The following PIK3C2G variants were observed in gnomAD, a reference collection of about 807,000 sequenced individuals.
The protein encoded by PIK3C2G is phosphatidylinositol 3-kinase C2 domain-containing subunit gamma.
A neutral mutation model predicts 181.1 loss-of-function variants in PIK3C2G; 168 were observed. The observed-to-expected ratio is 0.93, with a 90% confidence interval of 0.82 to 1.05. The LOEUF (loss-of-function observed/expected upper bound fraction) is 1.05, where lower values mean the gene tolerates loss of function less well. PIK3C2G is among the 50% of genes least tolerant of loss of function. The pLI is 0.00. For synonymous variants in PIK3C2G, 573 were observed against 592.2 expected (o/e 0.97, Z 0.47); for missense variants, 1,869 against 1,732.8 (o/e 1.08, Z -1.40).
At chr12:18,247,429 G>A (rs903538619), upstream of PIK3C2G, among the ~76,000 whole-genome samples, 4 of 152,158 alleles carry the variant, frequency 2.6e-5, no homozygotes, top group Admixed American at 6.5e-5. Context: ...TTTAGGAGTG[G>A]AGGTTTAATC....
chr12:18,619,817 C>T (rs1355653853), intron 31 of PIK3C2G, among the ~76,000 whole-genome samples: 1 of 151,352 alleles, frequency 6.6e-6, no homozygotes, highest in Non-Finnish European at 1.5e-5. Context: ...CTCCGCCTCC[C>T]GGGTTCACGC....
chr12:18,501,595 CTA>C (rs1328561029), intron 22 of PIK3C2G, among the ~76,000 whole-genome samples: 1 of 152,136 alleles, frequency 6.6e-6, no homozygotes, highest in East Asian at 1.9e-4. Flanking sequence ...ACATATTACT[CTA>C]TGTACACAGA....
chr12:18,471,445 T>C (rs1420748039), intron 18 of PIK3C2G, among the ~76,000 whole-genome samples: 1 of 152,184 alleles, frequency 6.6e-6, no homozygotes, highest in African/African-American at 2.4e-5. Context: ...TCTATCTTTG[T>C]AACCTTTTCA....
At chr12:18,529,221 T>C (rs1032654843) in intron 24 of PIK3C2G, among the ~76,000 whole-genome samples, 3 of 152,098 alleles carry the variant, frequency 2.0e-5, no homozygotes, top group Admixed American at 6.6e-5. Context: ...GAAAGGTGGT[T>C]GCACTGCAAG....
chr12:18,692,894 A>G, the PIK3C2G span: 2 of 1,602,536 alleles, frequency 1.2e-6, no homozygotes, highest in Non-Finnish European at 1.7e-6. Flanking sequence ...AGAAGAAGAA[A>G]ACAAAGGGAC....
rs1248432430 is a variant in PIK3C2G at position 18,491,685 on chromosome 12, C to T, written c.2793+127C>T. 5.3e-6 allele frequency: 3 copies of T among 568,522 alleles called. No individual in the cohort carries two copies. In the Admixed American group the frequency reaches 9.4e-5, roughly 18 times the overall value. The allele number at this position is 568,522 out of a possible 1,614,324, so 35.2% of individuals were successfully genotyped here. Reference sequence around the variant, plus strand: ...TGCAATTATTTTAACGAAAAAGTAACTGAATCCATTTACATTGTGTTTTCC... The same window carrying T: ...TGCAATTATTTTAACGAAAAAGTAATTGAATCCATTTACATTGTGTTTTCC... On this transcript the variant is annotated intron_variant, in intron 20 of 32. Transcript: ENST00000538779.
chr12:18,464,389 A>C (rs186960209), intron 18 of PIK3C2G, among the ~76,000 whole-genome samples: 1 of 152,190 alleles, frequency 6.6e-6, no homozygotes, highest in Non-Finnish European at 1.5e-5. Flanking sequence ...CAATTGCATT[A>C]AACATTAGGT....
intron 26 of PIK3C2G, among the ~76,000 whole-genome samples, chr12:18,559,393 G>A (rs1378281838): frequency 2.6e-5 from 4 of 151,972 alleles, no homozygotes; most frequent in Admixed American, 1.3e-4. Context: ...ATGAGCATTT[G>A]GACAGAAGGA....
At chr12:18,700,204 A>AT in the PIK3C2G span, among the ~76,000 whole-genome samples, 1 of 151,952 alleles carries the variant, frequency 6.6e-6, no homozygotes, top group African/African-American at 2.4e-5. Flanking sequence ...ATTACTATTT[A>AT]TTTTTTTCCT....
chr12:18,579,772 C>A (rs1325622532), intron 29 of PIK3C2G, among the ~76,000 whole-genome samples: 1 of 152,020 alleles, frequency 6.6e-6, no homozygotes, highest in Non-Finnish European at 1.5e-5. Context: ...ACAAGAATTC[C>A]TTTCCTTCTT....
intron 32 of PIK3C2G, among the ~76,000 whole-genome samples, chr12:18,646,064 A>T (rs1950114048): frequency 6.6e-6 from 1 of 152,172 alleles, no homozygotes; most frequent in Admixed American, 6.6e-5. Flanking sequence ...ATTTCCAGGC[A>T]GCATTGGGCA....
At chr12:18,526,915 A>G (rs1943268269) in intron 24 of PIK3C2G, among the ~76,000 whole-genome samples, 1 of 152,146 alleles carries the variant, frequency 6.6e-6, no homozygotes, top group Non-Finnish European at 1.5e-5. Flanking sequence ...TAGCTCCCTT[A>G]TATCAACCCC....
chr12:18,362,938 T>C, intron 12 of PIK3C2G, 52 bp downstream of exon 12: 6 of 1,348,136 alleles, frequency 4.5e-6, no homozygotes, highest in Non-Finnish European at 5.8e-6. Flanking sequence ...AATGTCAGCT[T>C]TTTCCCCCTT....
At chr12:18,260,736 A>G (rs2096429141), upstream of PIK3C2G, among the ~76,000 whole-genome samples, 1 of 152,114 alleles carries the variant, frequency 6.6e-6, no homozygotes, top group Admixed American at 6.6e-5. Flanking sequence ...TTTGGAAACA[A>G]GAGTAATCCA....
chr12:18,715,409 TG>T, the PIK3C2G span, among the ~76,000 whole-genome samples: 381 of 151,614 alleles, frequency 2.5e-3, 4 homozygotes, highest in African/African-American at 9.0e-3. Flanking sequence ...GTTTTTTTTT[TG>T]TTTTTTTTAG....
At chr12:18,459,790 C>T (rs1012388325) in intron 18 of PIK3C2G, among the ~76,000 whole-genome samples, 1 of 152,164 alleles carries the variant, frequency 6.6e-6, no homozygotes, top group Non-Finnish European at 1.5e-5. Flanking sequence ...AGACTAGAGT[C>T]TAGCTGTGTC....
chr12:18,462,779 C>T (rs575529923), intron 18 of PIK3C2G, among the ~76,000 whole-genome samples: 5 of 152,144 alleles, frequency 3.3e-5, no homozygotes, highest in South Asian at 2.1e-4. Flanking sequence ...AATTTCTGCT[C>T]GCTGATTAAA....
At chr12:18,270,941 C>G (rs141379084) in intron 1 of PIK3C2G, among the ~76,000 whole-genome samples, 1 of 152,144 alleles carries the variant, frequency 6.6e-6, no homozygotes, top group Non-Finnish European at 1.5e-5. Flanking sequence ...GGGACACATT[C>G]TTTCACTTGA....
At chr12:18,721,378 T>C in the PIK3C2G span, among the ~76,000 whole-genome samples, 31 of 152,036 alleles carry the variant, frequency 2.0e-4, no homozygotes, top group African/African-American at 7.2e-4. Flanking sequence ...AAGTGATCAA[T>C]AATCATGTAA....
Sources: allele counts gnomAD v4.1 joint callset (sites outside exome capture counted in the v4.1 genomes callset), GRCh38; gene constraint gnomAD v4.1.1; transcripts MANE v1.5; gene names NCBI Gene and HGNC (gene_info 2026-07-23, HGNC 2026-07-21).